The following C4orf50 variants were observed in gnomAD, a reference collection of about 807,000 sequenced individuals.
C4orf50 encodes uncharacterized protein C4orf50.
C4orf50 carries 80 observed loss-of-function variants against 77.2 expected under a neutral mutation model. The observed-to-expected ratio is 1.04, with a 90% confidence interval of 0.87 to 1.25. The LOEUF is 1.25. C4orf50 is among the 50% of genes most tolerant of loss of function. The pLI is 0.00. For synonymous variants in C4orf50, 532 were observed against 465.3 expected (o/e 1.14, Z -1.84); for missense variants, 1,257 against 1,152.9 (o/e 1.09, Z -1.31).
intron 25 of C4orf50, among the ~76,000 whole-genome samples, chr4:6,004,542 GTAA>G (rs1560599463): frequency 9.3e-5 from 1 of 10,736 alleles, no homozygotes; most frequent in Non-Finnish European, 2.5e-4. Flanking sequence ...GATGAGGGTG[GTAA>G]TGGTGATGAT....
chr4:5,986,305 T>C (rs910118364), intron 28 of C4orf50, among the ~76,000 whole-genome samples: 3 of 152,184 alleles, frequency 2.0e-5, no homozygotes, highest in Admixed American at 2.0e-4. Flanking sequence ...GTATATTTTC[T>C]GACAGCAATG....
exon 30 of C4orf50, chr4:5,975,926 T>G: frequency 6.2e-7 from 1 of 1,614,082 alleles, no homozygotes; most frequent in Non-Finnish European, 8.5e-7. Context: ...CCAACTTTGC[T>G]TCATGTTGCT....
chr4:5,966,910 A>C (rs1490115728), intron 32 of C4orf50, among the ~76,000 whole-genome samples: 2 of 152,156 alleles, frequency 1.3e-5, no homozygotes, highest in African/African-American at 4.8e-5. Context: ...GGCCCCCCAA[A>C]GTGCTGGGAT....
intron 32 of C4orf50, among the ~76,000 whole-genome samples, chr4:5,966,343 T>A (rs1719561894): frequency 6.6e-6 from 1 of 151,966 alleles, no homozygotes; most frequent in Non-Finnish European, 1.5e-5. Context: ...GGCATGATAG[T>A]GGGCGCCTGC....
intron 25 of C4orf50, among the ~76,000 whole-genome samples, chr4:6,001,579 T>C (rs1721831638): frequency 6.6e-6 from 1 of 152,100 alleles, no homozygotes. Context: ...AGAAGCCAGA[T>C]CATCTGCTTG....
At chr4:5,967,963 G>A (rs1029674966) in intron 31 of C4orf50, among the ~76,000 whole-genome samples, 10 of 152,204 alleles carry the variant, frequency 6.6e-5, no homozygotes, top group East Asian at 1.9e-4. Flanking sequence ...GTTGGCCGAC[G>A]GCCCCCAAGT....
chr4:5,968,589 C>T (rs1334560259), intron 31 of C4orf50, among the ~76,000 whole-genome samples: 2 of 152,188 alleles, frequency 1.3e-5, no homozygotes, highest in Non-Finnish European at 2.9e-5. Context: ...GGTCCCGCAG[C>T]CTTGAGACCT....
intron 28 of C4orf50, among the ~76,000 whole-genome samples, chr4:5,986,965 T>A (rs1374053585): frequency 6.6e-6 from 1 of 152,192 alleles, no homozygotes; most frequent in Non-Finnish European, 1.5e-5. Flanking sequence ...TGAACAGACT[T>A]CATCTCAAAA....
At chr4:5,998,049 T>C (rs1232842598) in intron 25 of C4orf50, among the ~76,000 whole-genome samples, 7 of 152,188 alleles carry the variant, frequency 4.6e-5, no homozygotes, top group African/African-American at 1.4e-4. Flanking sequence ...TTGGATATAT[T>C]TGTGGAAGTC....
At chr4:5,949,468 G>A (rs909273608) in intron 7 of C4orf50, among the ~76,000 whole-genome samples, 2 of 152,180 alleles carry the variant, frequency 1.3e-5, no homozygotes, top group East Asian at 1.9e-4. Context: ...GTGTGATTCC[G>A]TTCAGATCAG....
intron 25 of C4orf50, among the ~76,000 whole-genome samples, chr4:6,003,869 A>G (rs1241673675): frequency 8.1e-6 from 1 of 123,906 alleles, no homozygotes; most frequent in Non-Finnish European, 1.6e-5. Flanking sequence ...GGTGATGGTG[A>G]TGATGGTGAT....
intron 7 of C4orf50, among the ~76,000 whole-genome samples, chr4:5,945,743 A>G (rs1000244751): frequency 6.6e-6 from 1 of 152,068 alleles, no homozygotes; most frequent in African/African-American, 2.4e-5. Flanking sequence ...GGAAACCTGC[A>G]TTTTTCTTGA....
rs895827370 is a variant in C4orf50 at position 6,008,141 on chromosome 4, C to T, written c.818G>A (p.Gly273Glu). ...GCAGCAGCGCAGCTCCTCCAGCTGC[C>T]CGCGGAGCTGGCGCTCGGTGGCCCG... The change falls in exon 25 of 34, where the codon GGG (glycine) becomes GAG (glutamate). Residue 273 changes from glycine to glutamate, a missense_variant. Coordinates refer to ENST00000531445, the Ensembl canonical transcript of C4orf50. The surrounding 1 kb of genome is among the most constrained non-coding windows in gnomAD (Gnocchi z 6.0). 2.5e-6 allele frequency: 1 copy of T among 399,024 alleles called. No individual in the cohort carries two copies. Among genetic ancestry groups the T allele is most frequent in the Non-Finnish European group, 4.4e-6 (1 of 226,082 alleles). The allele number at this position is 399,024 out of a possible 1,614,324, so 24.7% of individuals were successfully genotyped here.
intron 24 of C4orf50, among the ~76,000 whole-genome samples, chr4:6,010,403 CTTCTAT>C (rs1190534129): frequency 1.3e-5 from 2 of 152,214 alleles, no homozygotes; most frequent in East Asian, 3.8e-4. Flanking sequence ...TCCACTTCCA[CTTCTAT>C]TTCAGCTAAT....
chr4:5,968,351 C>G (rs1453176737), intron 31 of C4orf50, among the ~76,000 whole-genome samples: 1 of 152,208 alleles, frequency 6.6e-6, no homozygotes, highest in Non-Finnish European at 1.5e-5. Flanking sequence ...TGAGGGTCCC[C>G]TCTAACCTGG....
chr4:6,009,975 A>C lies in C4orf50; in HGVS notation c.427-1443T>G, dbSNP rs1722423563. ...AGATTTAATAAGACGACGCGTGTAG[A>C]AAAGGGCTTAGTGTTCCCCTGCAGA... On this transcript the variant is annotated intron_variant, in intron 24 of 33. Coordinates refer to ENST00000531445, the Ensembl canonical transcript of C4orf50. This position sits in a 1 kb window ranked among gnomAD's most constrained non-coding sequence, Gnocchi z 5.6. Among the ~76,000 whole-genome samples the C allele has an allele frequency of 6.6e-6, 1 of 152,168 alleles. No individual in the cohort carries two copies. Among genetic ancestry groups the C allele is most frequent in the African/African-American group, 2.4e-5 (1 of 41,438 alleles).
intron 29 of C4orf50, 46 bp downstream of exon 7, chr4:5,980,128 G>T (rs1428724432): frequency 6.6e-7 from 1 of 1,515,920 alleles, no homozygotes; most frequent in Admixed American, 2.2e-5. Context: ...GCCCCGGGGT[G>T]TGGGAGCCCT....
At position 5,970,003 on chromosome 4, in the gene C4orf50, C is replaced by G. The variant is rs1402468901; in HGVS notation, c.4105-2541G>C. Among the ~76,000 whole-genome samples, 1 of 152,122 alleles carries G rather than the reference C, an allele frequency of 6.6e-6. No individual in the cohort carries two copies. The highest frequency in any genetic ancestry group is 1.5e-5 in the Non-Finnish European group (1 of 68,030). On this transcript the variant is annotated intron_variant, in intron 31 of 33. Transcript: ENST00000531445. This position sits in a 1 kb window ranked among gnomAD's most constrained non-coding sequence, Gnocchi z 4.3. The stretch of plus-strand genomic sequence containing the variant: ...GTGTCCCAGGTGAGCCCCGGCAACC[C>G]TCTTCTCCTCTCCTTTGGTACCCGG...
chr4:5,959,628 TGCAG>T lies in C4orf50; in HGVS notation c.4276-6_4276-3del. ...CGTGGACACCAAGGACAGAGGGAGCTGCAGGCAAGAGGACAATGAAATGGTCTCT... is the reference window on the plus strand; with the variant it reads ...CGTGGACACCAAGGACAGAGGGAGCTGCAAGAGGACAATGAAATGGTCTCT... On this transcript the variant is annotated splice_polypyrimidine_tract_variant and splice_region_variant and intron_variant, in intron 33 of 33. Transcript: ENST00000531445. The T allele has an allele frequency of 6.2e-7, 1 of 1,611,054 alleles. No individual in the cohort carries two copies. The highest frequency in any genetic ancestry group is 8.5e-7 in the Non-Finnish European group (1 of 1,177,572).
Sources: allele counts gnomAD v4.1 joint callset (sites outside exome capture counted in the v4.1 genomes callset), GRCh38; gene constraint gnomAD v4.1.1; non-coding constraint Gnocchi (gnomAD v3.1); transcripts MANE v1.5; gene names NCBI Gene and HGNC (gene_info 2026-07-23, HGNC 2026-07-21).